The following FSTL4 variants were observed in gnomAD, a reference collection of about 807,000 sequenced individuals.
The protein encoded by FSTL4 is follistatin like 4, also known as follistatin-related protein 4.
FSTL4 carries 28 observed loss-of-function variants against 78.2 expected under a neutral mutation model. The observed-to-expected ratio is 0.36, with a 90% CI of 0.27 to 0.49. The LOEUF is 0.49. FSTL4 is among the 20% of genes least tolerant of loss of function. FSTL4 has a pLI of 0.98. For missense variants in FSTL4, 922 were observed against 1,084.9 expected (o/e 0.85, Z 2.11); for synonymous variants, 422 against 440.5 (o/e 0.96, Z 0.53).
At chr5:133,656,882 G>C in the FSTL4 span, among the ~76,000 whole-genome samples, 1 of 152,186 alleles carries the variant, frequency 6.6e-6, no homozygotes, top group African/African-American at 2.4e-5. Flanking sequence ...CTAGGTGACG[G>C]ATACGTTGAC....
chr5:133,820,448 A>G, the FSTL4 span, among the ~76,000 whole-genome samples: 13 of 152,080 alleles, frequency 8.5e-5, no homozygotes, highest in Admixed American at 8.5e-4. Context: ...TTGGGAGGGA[A>G]GCACCCTTGA....
chr5:133,541,573 T>C (rs1434334945), intron 3 of FSTL4, among the ~76,000 whole-genome samples: 2 of 152,172 alleles, frequency 1.3e-5, no homozygotes, highest in African/African-American at 4.8e-5. Context: ...AAGAAGAATA[T>C]GTGAAATGGA....
At chr5:133,665,520 C>T in the FSTL4 span, among the ~76,000 whole-genome samples, 2 of 152,182 alleles carry the variant, frequency 1.3e-5, no homozygotes, top group African/African-American at 4.8e-5. Context: ...ATGCCTCTGC[C>T]ACGGTGCTTG....
chr5:133,372,180 C>T (rs896143679), intron 4 of FSTL4, among the ~76,000 whole-genome samples: 6 of 151,912 alleles, frequency 3.9e-5, no homozygotes, highest in Admixed American at 1.3e-4. Context: ...GGAGATAATG[C>T]TTCATGCTGA....
At chr5:133,775,490 A>G in the FSTL4 span, among the ~76,000 whole-genome samples, 1 of 152,226 alleles carries the variant, frequency 6.6e-6, no homozygotes, top group Non-Finnish European at 1.5e-5. Flanking sequence ...GTAGTGCTGA[A>G]GTTGAGAAAC....
At chr5:133,379,303 T>C (rs2126951373) in intron 4 of FSTL4, among the ~76,000 whole-genome samples, 2 of 152,096 alleles carry the variant, frequency 1.3e-5, no homozygotes, top group East Asian at 3.9e-4. Context: ...ATGACAATAA[T>C]AGATGGAGGC....
Position 133,303,087 on chromosome 5 carries a change from G to A in FSTL4, c.727+9567C>T, listed in dbSNP as rs55769289. ...CCCTTTGTCCTTTTGTGCCTCCTGC[G>A]TTTGTTACTGTATAGCCCTGCTGCC... On this transcript the variant is annotated intron_variant, in intron 6 of 15. Coordinates refer to ENST00000265342, the MANE Select transcript of FSTL4 (RefSeq NM_015082.2). Among the ~76,000 whole-genome samples the A allele has an allele frequency of 3.6e-3, 545 of 152,240 alleles. 3 individuals carry two copies. The highest frequency in any genetic ancestry group is 0.013 in the African/African-American group (523 of 41,548).
In FSTL4 at chr5:133,485,023, C is replaced by T. The variant is rs370823055; in HGVS notation, c.160+82163G>A. Reference sequence around the variant, plus strand: ...TAACTTCAGCCAAAGAACTTTCTAGCTCTTCTCCTTTTTCTTTGTCAAGGA... The same window carrying T: ...TAACTTCAGCCAAAGAACTTTCTAGTTCTTCTCCTTTTTCTTTGTCAAGGA... On this transcript the variant is annotated intron_variant, in intron 3 of 15. Transcript: ENST00000265342. Among the ~76,000 whole-genome samples the T allele has an allele frequency of 6.6e-5, 10 of 152,196 alleles. 1 individual carries two copies. In the East Asian group the frequency reaches 1.7e-3, roughly 26 times the overall value.
chr5:133,816,969 C>G, the FSTL4 span, among the ~76,000 whole-genome samples: 1 of 152,180 alleles, frequency 6.6e-6, no homozygotes, highest in Non-Finnish European at 1.5e-5. Context: ...AGCCCCCATT[C>G]AAGCCTCCCA....
At chr5:133,535,713 C>T (rs1298643800) in intron 3 of FSTL4, among the ~76,000 whole-genome samples, 1 of 152,082 alleles carries the variant, frequency 6.6e-6, no homozygotes, top group Non-Finnish European at 1.5e-5. Flanking sequence ...TCTCCCCGAC[C>T]GAGCTGTTCT....
chr5:133,821,668 C>T, the FSTL4 span, among the ~76,000 whole-genome samples: 1 of 152,080 alleles, frequency 6.6e-6, no homozygotes, highest in African/African-American at 2.4e-5. Flanking sequence ...GAAGAGGGCA[C>T]TGTGGAGGAG....
intron 3 of FSTL4, among the ~76,000 whole-genome samples, chr5:133,537,937 G>A (rs191916558): frequency 3.3e-5 from 5 of 151,642 alleles, no homozygotes; most frequent in African/African-American, 1.2e-4. Context: ...TGTATTTTGG[G>A]GGGAACCATT....
intron 3 of FSTL4, among the ~76,000 whole-genome samples, chr5:133,447,050 C>G (rs747035355): frequency 7.2e-5 from 11 of 152,212 alleles, no homozygotes; most frequent in Non-Finnish European, 1.6e-4. Context: ...CGGTGGGCTC[C>G]CCTGCCGATG....
chr5:133,750,094 G>A, the FSTL4 span, among the ~76,000 whole-genome samples: 1 of 152,150 alleles, frequency 6.6e-6, no homozygotes, highest in South Asian at 2.1e-4. Flanking sequence ...CTGGGGATGG[G>A]AGATGGATAA....
the FSTL4 span, among the ~76,000 whole-genome samples, chr5:133,790,060 C>T: frequency 6.6e-6 from 1 of 152,202 alleles, no homozygotes; most frequent in Non-Finnish European, 1.5e-5. Context: ...ATGCTCTCCA[C>T]CTCTGGTCTC....
the FSTL4 span, among the ~76,000 whole-genome samples, chr5:133,706,478 T>G: frequency 2.6e-5 from 4 of 152,106 alleles, no homozygotes; most frequent in Admixed American, 1.3e-4. Flanking sequence ...AGGAGTAAAA[T>G]AAAATACACT....
the FSTL4 span, among the ~76,000 whole-genome samples, chr5:133,671,317 G>T: frequency 6.6e-6 from 1 of 152,120 alleles, no homozygotes; most frequent in Non-Finnish European, 1.5e-5. Context: ...GGCCGCTCAA[G>T]TTTGGTATGG....
chr5:133,203,946 A>G (rs962864514), intron 14 of FSTL4, among the ~76,000 whole-genome samples: 1 of 147,226 alleles, frequency 6.8e-6, no homozygotes, highest in African/African-American at 2.5e-5. Context: ...GTGTCCTGAC[A>G]CACAGCTGGG....
At chr5:133,472,465 A>G (rs1056433001) in intron 3 of FSTL4, among the ~76,000 whole-genome samples, 7 of 152,210 alleles carry the variant, frequency 4.6e-5, no homozygotes, top group Non-Finnish European at 8.8e-5. Context: ...AGGACTCCAT[A>G]AAAAACACAA....
Sources: gnomAD v4.1 joint callset for allele counts (sites outside exome capture counted in the v4.1 genomes callset) on GRCh38, gnomAD v4.1.1 for gene constraint, MANE v1.5 for transcripts, NCBI Gene and HGNC (gene_info 2026-07-23, HGNC 2026-07-21) for gene names.